The following CCDC73 variants were observed in gnomAD, a reference collection of about 807,000 sequenced individuals.
CCDC73 encodes coiled-coil domain containing 73.
In CCDC73, 95 loss-of-function variants were observed where a neutral mutation model predicts 116.5. That is an observed-to-expected ratio of 0.82 (90% CI 0.69 to 0.97). The LOEUF is 0.97. Ranked by LOEUF, CCDC73 falls within the 50% of genes least tolerant of loss-of-function variation. CCDC73 has a pLI of 0.00. For synonymous variants in CCDC73, 398 were observed against 401.3 expected (o/e 0.99, Z 0.10); for missense variants, 1,066 against 1,206.8 (o/e 0.88, Z 1.73).
At chr11:32,668,357 T>C (rs1856006980) in intron 9 of CCDC73, among the ~76,000 whole-genome samples, 1 of 152,176 alleles carries the variant, frequency 6.6e-6, no homozygotes, top group African/African-American at 2.4e-5. Flanking sequence ...AAATGCACCA[T>C]GTTTCATACT....
chr11:32,729,010 C>CT (rs527449145), intron 2 of CCDC73, among the ~76,000 whole-genome samples: 5,598 of 144,580 alleles, frequency 0.039, 106 homozygotes, highest in Non-Finnish European at 0.041. Flanking sequence ...CAGCCCAATT[C>CT]TTTTTTTTTT....
chr11:32,697,524 C>T (rs1220881024), intron 6 of CCDC73, among the ~76,000 whole-genome samples: 2 of 136,846 alleles, frequency 1.5e-5, no homozygotes, highest in East Asian at 2.4e-4. Flanking sequence ...TGCTCTGTCA[C>T]CCAGGCTGGA....
intron 17 of CCDC73, chr11:32,603,977 G>C (rs1855311728): frequency 6.6e-6 from 1 of 152,220 alleles, no homozygotes; most frequent in South Asian, 2.1e-4. Context: ...TGAGGTGCAA[G>C]GATCATTTGA....
At chr11:32,696,996 A>C (rs1185204713) in intron 6 of CCDC73, among the ~76,000 whole-genome samples, 1 of 143,864 alleles carries the variant, frequency 7.0e-6, no homozygotes, top group Non-Finnish European at 1.5e-5. Context: ...CACCCAGCTA[A>C]TTTTTTTTTT....
At chr11:32,627,259 A>T (rs1855584243) in intron 14 of CCDC73, among the ~76,000 whole-genome samples, 1 of 152,210 alleles carries the variant, frequency 6.6e-6, no homozygotes, top group Non-Finnish European at 1.5e-5. Flanking sequence ...GCAAATCAAA[A>T]CCACAATGAG....
the CCDC73 span, among the ~76,000 whole-genome samples, chr11:32,828,371 G>T: frequency 6.6e-6 from 1 of 151,896 alleles, no homozygotes; most frequent in African/African-American, 2.4e-5. Flanking sequence ...TTAGCCGGGC[G>T]TGGTGGTGGA....
At chr11:32,728,368 G>A (rs957641441) in intron 2 of CCDC73, among the ~76,000 whole-genome samples, 1 of 151,964 alleles carries the variant, frequency 6.6e-6, no homozygotes, top group Non-Finnish European at 1.5e-5. Flanking sequence ...GGTTCAAATT[G>A]CTCCAGTTTT....
intron 2 of CCDC73, among the ~76,000 whole-genome samples, chr11:32,728,067 C>T (rs1040018069): frequency 1.3e-5 from 2 of 151,938 alleles, no homozygotes; most frequent in Non-Finnish European, 2.9e-5. Flanking sequence ...GTCTGAGCCA[C>T]ATAAGGAGAC....
At chr11:32,731,546 G>A (rs1850078119) in intron 2 of CCDC73, among the ~76,000 whole-genome samples, 1 of 152,168 alleles carries the variant, frequency 6.6e-6, no homozygotes, top group Admixed American at 6.5e-5. Context: ...ATACAGCCGT[G>A]TGCCCCTCTG....
At chr11:32,703,083 A>G in intron 3 of CCDC73, 139 bp from the exon 4 acceptor site, 1 of 674,448 alleles carries the variant, frequency 1.5e-6, no homozygotes, top group Non-Finnish European at 2.6e-6. Context: ...GCAACTTTAA[A>G]CCAATTTTAT....
chr11:32,783,649 T>TC (rs1850602204), intron 1 of CCDC73, among the ~76,000 whole-genome samples: 1 of 152,108 alleles, frequency 6.6e-6, no homozygotes, highest in African/African-American at 2.4e-5. Flanking sequence ...TATTTTTTTT[T>TC]CCTGGGGTCT....
chr11:32,797,115 A>G (rs918019720), upstream of CCDC73, among the ~76,000 whole-genome samples: 1 of 151,894 alleles, frequency 6.6e-6, no homozygotes, highest in Non-Finnish European at 1.5e-5. Context: ...ACATGTGAAC[A>G]TTTAAAGAAA....
chr11:32,735,099 A>G (rs1433768779), intron 2 of CCDC73, among the ~76,000 whole-genome samples: 2 of 152,244 alleles, frequency 1.3e-5, no homozygotes, highest in Non-Finnish European at 2.9e-5. Flanking sequence ...ATTCCCTTTG[A>G]CAACTGGCAC....
chr11:32,764,059 T>C (rs879624211), intron 1 of CCDC73, among the ~76,000 whole-genome samples: 5 of 152,062 alleles, frequency 3.3e-5, no homozygotes, highest in African/African-American at 7.2e-5. Flanking sequence ...GAGAAGTTTA[T>C]AGAAAAAACA....
intron 14 of CCDC73, among the ~76,000 whole-genome samples, chr11:32,633,657 T>C (rs1002779342): frequency 6.6e-6 from 1 of 152,144 alleles, no homozygotes; most frequent in African/African-American, 2.4e-5. Context: ...TCCTACAGCA[T>C]TGAATTGTGA....
intron 17 of CCDC73, among the ~76,000 whole-genome samples, chr11:32,610,753 G>A (rs1431880158): frequency 6.6e-6 from 1 of 152,126 alleles, no homozygotes; most frequent in African/African-American, 2.4e-5. Flanking sequence ...CAAAAATAAT[G>A]TGAATTTACT....
At chr11:32,711,804 T>C (rs1044348086) in intron 3 of CCDC73, among the ~76,000 whole-genome samples, 8 of 152,146 alleles carry the variant, frequency 5.3e-5, no homozygotes, top group Admixed American at 4.6e-4. Context: ...TTTCTGGGTC[T>C]TCCGATTGTC....
chr11:32,791,740 C>T (rs757105515), intron 1 of CCDC73, among the ~76,000 whole-genome samples: 50 of 152,158 alleles, frequency 3.3e-4, no homozygotes, highest in Non-Finnish European at 5.4e-4. Context: ...ATTGCTCGAG[C>T]TCAGGAGCTC....
the CCDC73 span, among the ~76,000 whole-genome samples, chr11:32,813,452 C>A: frequency 1.3e-5 from 2 of 152,126 alleles, no homozygotes; most frequent in African/African-American, 4.8e-5. Flanking sequence ...GAGATGGAGT[C>A]CCACTATATT....
Sources: gnomAD v4.1 joint callset for allele counts (sites outside exome capture counted in the v4.1 genomes callset) on GRCh38, gnomAD v4.1.1 for gene constraint, MANE v1.5 for transcripts, NCBI Gene and HGNC (gene_info 2026-07-23, HGNC 2026-07-21) for gene names.